CHFR: variants seen among roughly 807,000 people sequenced by gnomAD.
CHFR encodes the protein E3 ubiquitin-protein ligase CHFR.
In CHFR, 57 loss-of-function variants were observed where a neutral mutation model predicts 87.6. The observed-to-expected ratio is 0.65, with a 90% CI of 0.53 to 0.81. The LOEUF (loss-of-function observed/expected upper bound fraction) is 0.81. CHFR is among the 30% of genes least tolerant of loss of function. The probability of loss-of-function intolerance (pLI) is 0.00; values close to 1 mark genes in which losing one functional copy is unlikely to be tolerated. For synonymous variants in CHFR, 381 were observed against 359.2 expected (o/e 1.06, Z -0.69); for missense variants, 797 against 865.8 (o/e 0.92, Z 1.00).
At chr12:132,847,188 AAT>A in intron 14 of CHFR, 58 bp from the exon 15 acceptor site, 1 of 1,604,752 alleles carries the variant, frequency 6.2e-7, no homozygotes, top group Non-Finnish European at 8.5e-7. Flanking sequence ...GAAACACTGA[AAT>A]AACGAGAGAA....
At chr12:132,880,213 G>T (rs1245106501) in intron 2 of CHFR, among the ~76,000 whole-genome samples, 1 of 152,214 alleles carries the variant, frequency 6.6e-6, no homozygotes, top group Non-Finnish European at 1.5e-5. Flanking sequence ...TGGCCAGACA[G>T]AGACAAATGT....
chr12:132,850,739 C>A (rs1409545354), intron 12 of CHFR, among the ~76,000 whole-genome samples: 1 of 152,082 alleles, frequency 6.6e-6, no homozygotes, highest in Non-Finnish European at 1.5e-5. Context: ...TCACACAGGG[C>A]TCAGTGCACA....
At chr12:132,873,523 G>A (rs1023998493) in intron 3 of CHFR, among the ~76,000 whole-genome samples, 5 of 152,124 alleles carry the variant, frequency 3.3e-5, no homozygotes, top group Non-Finnish European at 4.4e-5. Context: ...CTGACTTTCT[G>A]TGTCCTCCTG....
At chr12:132,849,800 G>T (rs1950901401) in intron 12 of CHFR, 1 of 152,060 alleles carries the variant, frequency 6.6e-6, no homozygotes, top group African/African-American at 2.4e-5. Context: ...GCGTTGGTCA[G>T]GCTGGTCTCA....
At chr12:132,841,740 TGC>T in intron 17 of CHFR, 144 bp from the exon 18 acceptor site, 1 of 734,496 alleles carries the variant, frequency 1.4e-6, no homozygotes, top group Non-Finnish European at 2.4e-6. Flanking sequence ...AGAGTGTGTG[TGC>T]TTCTCACAAT....
intron 13 of CHFR, 81 bp from the exon 14 acceptor site, chr12:132,848,236 A>G (rs775202274): frequency 8.7e-6 from 14 of 1,600,012 alleles, no homozygotes; most frequent in South Asian, 2.2e-5. Flanking sequence ...GAGGATAAAC[A>G]TATTTCTTTT....
intron 10 of CHFR, chr12:132,854,141 G>C (rs994307577): frequency 6.6e-6 from 1 of 152,250 alleles, no homozygotes; most frequent in Non-Finnish European, 1.5e-5. Flanking sequence ...CAAGGCCAGG[G>C]GCCAATAAGG....
intron 6 of CHFR, 83 bp downstream of exon 6, chr12:132,869,536 T>C: frequency 7.6e-7 from 1 of 1,318,838 alleles, no homozygotes; most frequent in South Asian, 1.3e-5. Flanking sequence ...CAGTCGCTTA[T>C]CTGCCTCTGT....
At chr12:132,846,439 T>C (rs1230222129) in intron 15 of CHFR, among the ~76,000 whole-genome samples, 1 of 151,910 alleles carries the variant, frequency 6.6e-6, no homozygotes, top group East Asian at 2.0e-4. Context: ...ATTTTTTGTA[T>C]TTTTCTTTTT....
chr12:132,862,014 C>G (rs971829261), intron 6 of CHFR: 1 of 212,544 alleles, frequency 4.7e-6, no homozygotes, highest in African/African-American at 2.3e-5. Context: ...GGCTCACACC[C>G]GTAATCCCAG....
chr12:132,887,170 C>G, intron 2 of CHFR, 26 bp downstream of exon 2: 1 of 1,460,384 alleles, frequency 6.8e-7, no homozygotes, highest in African/African-American at 1.5e-5. Flanking sequence ...CGGCCCCGGC[C>G]CCCGGCCCCG....
chr12:132,866,817 C>T (rs1249239154), intron 6 of CHFR: 1 of 152,236 alleles, frequency 6.6e-6, no homozygotes, highest in Non-Finnish European at 1.5e-5. Context: ...CTGAGGTATG[C>T]TTTTAGAACA....
chr12:132,880,424 AG>A lies in CHFR; in HGVS notation c.134-2771del, dbSNP rs530735263. ...GTAATCCCAGCACTTTGGGAGGCCA[AG>A]GGGGGGGCGGATCACAAGGTCAGGA... On this transcript the variant is annotated intron_variant, in intron 2 of 17. Transcript: ENST00000450056. Among the ~76,000 whole-genome samples the A allele has an allele frequency of 4.5e-3, 678 of 150,900 alleles. 4 individuals are homozygous for A. Among genetic ancestry groups the A allele is most frequent in the African/African-American group, 0.015 (628 of 41,056 alleles).
rs1429332642 is a variant in CHFR, at chr12:132,853,513, G to A, written c.1290C>T (p.Pro430=). Residue 430 remains proline, a synonymous_variant, in exon 11 of 18, where the codon CCC becomes CCT. Coordinates refer to ENST00000450056, the MANE Select transcript of CHFR (RefSeq NM_001161346.2). ...PEYRRQAAQP[P]HCPAPEGEPG... ...GCTCGCCCTCGGGTGCTGGGCAGTG[G>A]GGAGGCTGCGCCGCCTGCCTTCTGT... 6.5e-7 allele frequency: 1 copy of A among 1,531,538 alleles called. No individual in the cohort carries two copies. The highest frequency in any genetic ancestry group is 1.2e-5 in the South Asian group (1 of 81,970). 94.9% of individuals were successfully genotyped at this position (1,531,538 alleles called of 1,614,324 possible).
At chr12:132,880,433 C>T (rs892896225) in intron 2 of CHFR, among the ~76,000 whole-genome samples, 3 of 151,494 alleles carry the variant, frequency 2.0e-5, no homozygotes, top group Non-Finnish European at 4.4e-5. Flanking sequence ...AAGGGGGGGG[C>T]GGATCACAAG....
chr12:132,859,157 C>G lies in CHFR; in HGVS notation c.822G>C (p.Glu274Asp), dbSNP rs1449844658. 6 of 1,614,120 alleles carry G rather than the reference C, an allele frequency of 3.7e-6. No homozygotes were observed. Among genetic ancestry groups the G allele is most frequent in the Non-Finnish European group, 4.2e-6 (5 of 1,180,000 alleles). ...QPRRNAQTVHEDVRAAAGKPD... is the reference protein window; with the variant it reads ...QPRRNAQTVHDDVRAAAGKPD... Reference sequence around the variant, plus strand: ...GCTTCCCAGCCGCTGCTCTGACGTCCTCGTGGACGGTTTGGGCATTTCTAC... The same window carrying G: ...GCTTCCCAGCCGCTGCTCTGACGTCGTCGTGGACGGTTTGGGCATTTCTAC... Residue 274 changes from glutamate to aspartate, a missense_variant, in exon 8 of 18, where the codon GAG (glutamate) becomes GAC (aspartate). Transcript: ENST00000450056.
chr12:132,834,635 CTCCCTCTGCAAAGCACA>C lies in CHFR; in HGVS notation c.*6902_*6918del, dbSNP rs1566167193. The stretch of plus-strand genomic sequence containing the variant: ...CTCCTCTCCTGGCTGGAGGCCCTTG[CTCCCTCTGCAAAGCACA>C]TCCCTCCCACCTCTTCTCTGTCACC... On this transcript the variant is annotated 3_prime_UTR_variant, in exon 18 of 18. Transcript: ENST00000450056. 6.6e-6 allele frequency: 1 copy of C among 152,162 alleles called. No homozygotes were observed. The highest frequency in any genetic ancestry group is 1.5e-5 in the Non-Finnish European group (1 of 68,104). The allele number at this position is 152,162 out of a possible 1,614,324, so 9.4% of individuals were successfully genotyped here. A position where few individuals can be genotyped will look rare whatever the true frequency, so the allele number is the denominator to read the frequency against.
intron 2 of CHFR, among the ~76,000 whole-genome samples, chr12:132,886,150 A>G (rs1370552144): frequency 6.6e-6 from 1 of 152,146 alleles, no homozygotes; most frequent in African/African-American, 2.4e-5. Context: ...CATCTCTACT[A>G]AAAATACAAA....
intron 2 of CHFR, among the ~76,000 whole-genome samples, chr12:132,886,174 T>C (rs1350175592): frequency 6.6e-6 from 1 of 152,082 alleles, no homozygotes; most frequent in African/African-American, 2.4e-5. Flanking sequence ...TAGCCAGGCA[T>C]GGTGGCGCAC....
Sources: gnomAD v4.1 joint callset for allele counts (sites outside exome capture counted in the v4.1 genomes callset) on GRCh38, gnomAD v4.1.1 for gene constraint, MANE v1.5 for transcripts, NCBI Gene and HGNC (gene_info 2026-07-23, HGNC 2026-07-21) for gene names.